Variants in FAM174A observed in about 807,000 individuals in gnomAD.
FAM174A encodes family with sequence similarity 174 member A, also known as membrane protein FAM174A.
In FAM174A, 14 loss-of-function variants were observed where a neutral mutation model predicts 14.3. The ratio of observed to expected loss-of-function variants is 0.98; its 90% confidence interval spans 0.65 to 1.53. The LOEUF is 1.53. Ranked by LOEUF, FAM174A falls within the 40% of genes most tolerant of loss-of-function variation. The pLI, the probability that FAM174A is intolerant of heterozygous loss-of-function variation, is 0.00. For missense variants in FAM174A, 241 were observed against 249.6 expected, an observed-to-expected ratio of 0.97 and a Z score of 0.23; for synonymous variants, 108 against 111.4, an observed-to-expected ratio of 0.97 and a Z score of 0.19.
intron 2 of FAM174A, among the ~76,000 whole-genome samples, chr5:100,580,149 T>C (rs1746982530): frequency 6.6e-6 from 1 of 152,216 alleles, no homozygotes; most frequent in South Asian, 2.1e-4. Context: ...CAAAGAGCTT[T>C]GATCCACAAA....
chr5:100,578,830 A>G (rs1746950481), intron 2 of FAM174A, among the ~76,000 whole-genome samples: 1 of 152,190 alleles, frequency 6.6e-6, no homozygotes, highest in Non-Finnish European at 1.5e-5. Context: ...ACCTATTTCA[A>G]TATTTGTACC....
At chr5:100,554,260 A>G (rs1288350920) in intron 1 of FAM174A, among the ~76,000 whole-genome samples, 1 of 149,610 alleles carries the variant, frequency 6.7e-6, no homozygotes, top group Non-Finnish European at 1.5e-5. Flanking sequence ...TCATTAAATG[A>G]TATGTTTCAA....
At chr5:100,551,611 G>A (rs1048193345) in intron 1 of FAM174A, among the ~76,000 whole-genome samples, 3 of 151,826 alleles carry the variant, frequency 2.0e-5, no homozygotes, top group Non-Finnish European at 4.4e-5. Flanking sequence ...CAATTCTCTT[G>A]TATTCTATAT....
intron 1 of FAM174A, among the ~76,000 whole-genome samples, chr5:100,561,236 A>G (rs1746516250): frequency 6.6e-6 from 1 of 151,998 alleles, no homozygotes. Flanking sequence ...GCACCCTTGA[A>G]TCTTTTGAAT....
At position 100,566,141 on chromosome 5, in the gene FAM174A, G is replaced by GATAGATATATAGATATAT. The variant is rs558236562; in HGVS notation, c.569+3956_569+3957insGATATATAGATATATATA. On this transcript the variant is annotated intron_variant, in intron 2 of 2. Coordinates refer to ENST00000312637, the MANE Select transcript of FAM174A (RefSeq NM_198507.3). ...ACAGATAAATGAATTTGAAAAGTAT[G>GATAGATATATAGATATAT]ATATATATATATATATATATATATA... 3.9e-4 allele frequency among the ~76,000 whole-genome samples: 32 copies of GATAGATATATAGATATAT among 81,804 alleles called. 2 individuals are homozygous for GATAGATATATAGATATAT. Among genetic ancestry groups the GATAGATATATAGATATAT allele is most frequent in the South Asian group, 2.5e-3 (5 of 2,004 alleles). 53.7% of individuals were successfully genotyped at this position (81,804 alleles called of 152,430 possible).
intron 1 of FAM174A, among the ~76,000 whole-genome samples, chr5:100,546,802 C>G (rs1444534040): frequency 6.6e-6 from 1 of 152,116 alleles, no homozygotes; most frequent in African/African-American, 2.4e-5. Context: ...CGAAATGCAT[C>G]TACTCATTAA....
At chr5:100,536,010 C>T (rs1745936625) in intron 1 of FAM174A, 46 bp downstream of exon 1, 1 of 1,499,640 alleles carries the variant, frequency 6.7e-7, no homozygotes, top group Non-Finnish European at 8.9e-7. Context: ...CTGAGATACG[C>T]AGGCCGGTGA....
chr5:100,547,518 G>A (rs1478185905), intron 1 of FAM174A, among the ~76,000 whole-genome samples: 1 of 152,068 alleles, frequency 6.6e-6, no homozygotes, highest in Non-Finnish European at 1.5e-5. Flanking sequence ...CAAGGAGATG[G>A]GAAAACTGTG....
At chr5:100,548,555 T>C (rs2112370861) in intron 1 of FAM174A, among the ~76,000 whole-genome samples, 1 of 152,196 alleles carries the variant, frequency 6.6e-6, no homozygotes, top group African/African-American at 2.4e-5. Flanking sequence ...CTTAGATTCA[T>C]TAGGAATACA....
intron 1 of FAM174A, among the ~76,000 whole-genome samples, chr5:100,555,622 T>C (rs1746361175): frequency 6.6e-6 from 1 of 152,156 alleles, no homozygotes; most frequent in East Asian, 1.9e-4. Flanking sequence ...ATCGCCATTC[T>C]AACTGGTGTG....
At chr5:100,581,157 T>G (rs1471776974) in intron 2 of FAM174A, among the ~76,000 whole-genome samples, 1 of 152,130 alleles carries the variant, frequency 6.6e-6, no homozygotes, top group Non-Finnish European at 1.5e-5. Flanking sequence ...CTCGAACTCC[T>G]GACTGCAGGT....
At chr5:100,568,737 A>AG (rs150151861) in intron 2 of FAM174A, among the ~76,000 whole-genome samples, 12,451 of 151,814 alleles carry the variant, frequency 0.082, 795 homozygotes, top group African/African-American at 0.17. Flanking sequence ...ACTTTCTAAA[A>AG]AAAAATGAAA....
At chr5:100,565,710 A>G (rs1222638716) in intron 2 of FAM174A, among the ~76,000 whole-genome samples, 1 of 151,902 alleles carries the variant, frequency 6.6e-6, no homozygotes, top group Non-Finnish European at 1.5e-5. Context: ...CATTATTCAT[A>G]TTAATCAAGC....
At chr5:100,539,321 A>G (rs900905047) in intron 1 of FAM174A, among the ~76,000 whole-genome samples, 6 of 152,154 alleles carry the variant, frequency 3.9e-5, no homozygotes, top group African/African-American at 1.2e-4. Context: ...CCAAATAATC[A>G]CATAGATAAG....
chr5:100,583,887 C>T (rs1001275207), intron 2 of FAM174A, among the ~76,000 whole-genome samples: 8 of 152,132 alleles, frequency 5.3e-5, no homozygotes, highest in Non-Finnish European at 8.8e-5. Context: ...CTTTCCATAG[C>T]GTACTGGGTG....
In FAM174A at chr5:100,580,234, A is replaced by G. The variant is rs114909801; in HGVS notation, c.570-5947A>G. ...TAAGATGCCATCAATTGAAAGATGC[A>G]TCTGAAGTTCAGAGATGTTAAAATG... On this transcript the variant is annotated intron_variant, in intron 2 of 2. Coordinates refer to ENST00000312637, the MANE Select transcript of FAM174A (RefSeq NM_198507.3). Among the ~76,000 whole-genome samples the G allele has an allele frequency of 5.2e-3, 787 of 151,864 alleles. 9 individuals are homozygous for G. The highest frequency in any genetic ancestry group is 0.018 in the African/African-American group (731 of 41,550).
intron 2 of FAM174A, among the ~76,000 whole-genome samples, chr5:100,563,710 G>T (rs1433159554): frequency 6.6e-6 from 1 of 151,734 alleles, no homozygotes; most frequent in East Asian, 1.9e-4. Context: ...AGTGCCCATG[G>T]GATGCACTCT....
intron 1 of FAM174A, among the ~76,000 whole-genome samples, chr5:100,550,783 G>A (rs1746246644): frequency 6.6e-6 from 1 of 152,192 alleles, no homozygotes; most frequent in Non-Finnish European, 1.5e-5. Context: ...GCTGAAAGAT[G>A]AGCAGGCATT....
At chr5:100,576,323 C>G (rs905701652) in intron 2 of FAM174A, among the ~76,000 whole-genome samples, 4 of 152,072 alleles carry the variant, frequency 2.6e-5, no homozygotes, top group African/African-American at 4.8e-5. Flanking sequence ...TCTTGCTCCT[C>G]TCCTCTGTGA....
Sources: gnomAD v4.1 joint callset for allele counts (sites outside exome capture counted in the v4.1 genomes callset) on GRCh38, gnomAD v4.1.1 for gene constraint, MANE v1.5 for transcripts, NCBI Gene and HGNC (gene_info 2026-07-23, HGNC 2026-07-21) for gene names.